ANO9: variants seen among roughly 807,000 people sequenced by gnomAD.
The protein encoded by ANO9 is anoctamin 9.
Under a neutral mutation model 100.5 loss-of-function variants are expected in ANO9, and 80 were observed. The ratio of observed to expected loss-of-function variants is 0.80; its 90% confidence interval spans 0.66 to 0.96. The LOEUF (loss-of-function observed/expected upper bound fraction) is 0.96. Ranked by LOEUF, ANO9 falls within the 40% of genes least tolerant of loss-of-function variation. ANO9 has a pLI of 0.00. For missense variants in ANO9, 1,064 were observed against 1,072.7 expected (o/e 0.99, Z 0.11); for synonymous variants, 473 against 435.6 (o/e 1.09, Z -1.07).
chr11:418,619 G>C, intron 22 of ANO9, 30 bp from the exon 23 acceptor site: 2 of 1,611,620 alleles, frequency 1.2e-6, no homozygotes, highest in Non-Finnish European at 1.7e-6. Flanking sequence ...GGCCCAGCAC[G>C]GTCAGGTGCC....
chr11:423,831 A>T (rs1450858357), intron 15 of ANO9, among the ~76,000 whole-genome samples: 1 of 150,558 alleles, frequency 6.6e-6, no homozygotes, highest in African/African-American at 2.5e-5. Context: ...GCACTCAGCC[A>T]AATGTTTAAT....
chr11:439,514 GA>G (rs1564940657), intron 1 of ANO9, among the ~76,000 whole-genome samples: 5 of 85,230 alleles, frequency 5.9e-5, no homozygotes, highest in African/African-American at 1.8e-4. Flanking sequence ...AGCTGTGCAT[GA>G]GAAGGAGCAG....
chr11:437,400 G>C (rs983450214), intron 1 of ANO9, among the ~76,000 whole-genome samples: 5 of 151,786 alleles, frequency 3.3e-5, no homozygotes, highest in Non-Finnish European at 7.4e-5. Flanking sequence ...CAGCCTCCCT[G>C]CGGGGGGAAG....
At chr11:438,481 G>A (rs1422199653) in intron 1 of ANO9, among the ~76,000 whole-genome samples, 2 of 145,998 alleles carry the variant, frequency 1.4e-5, no homozygotes, top group African/African-American at 2.6e-5. Flanking sequence ...CCAGGCAGGT[G>A]TAGCCCCCCC....
intron 15 of ANO9, among the ~76,000 whole-genome samples, chr11:424,921 G>A (rs1216391701): frequency 1.3e-5 from 2 of 152,044 alleles, no homozygotes; most frequent in Non-Finnish European, 2.9e-5. Context: ...GTTACAAGGA[G>A]GAGACATGGA....
rs1426118804 is a variant in ANO9 at position 429,833 on chromosome 11, G to A, written c.772-15C>T. 6.3e-7 allele frequency: 1 copy of A among 1,589,670 alleles called. No individual in the cohort carries two copies. Among genetic ancestry groups the A allele is most frequent in the Non-Finnish European group, 8.6e-7 (1 of 1,166,030 alleles). ...AGGTGGGTGAGCTGGGGGGGTGATA[G>A]GTGGGCCGGAGAGGAGGTGGGTGAG... On this transcript the variant is annotated splice_polypyrimidine_tract_variant and intron_variant, in intron 9 of 22. Coordinates refer to ENST00000332826, the MANE Select transcript of ANO9 (RefSeq NM_001012302.3).
At chr11:420,210 T>A in intron 19 of ANO9, 1 of 1,406,568 alleles carries the variant, frequency 7.1e-7, no homozygotes, top group Non-Finnish European at 9.2e-7. Flanking sequence ...TGGGTCCCCC[T>A]TGGGGGCGTC....
chr11:426,582 A>G (rs907180374), intron 15 of ANO9, among the ~76,000 whole-genome samples: 1 of 152,116 alleles, frequency 6.6e-6, no homozygotes, highest in African/African-American at 2.4e-5. Flanking sequence ...CTAAAAGTAA[A>G]TAAATAAAAA....
Position 420,820 on chromosome 11 carries a change from A to ACTCGGAGGCCCGCAGAGAG in ANO9, c.1512_1530dup (p.Ser511LeufsTer118). 6.3e-7 allele frequency: 1 copy of ACTCGGAGGCCCGCAGAGAG among 1,592,374 alleles called. No individual in the cohort carries two copies. Among genetic ancestry groups the ACTCGGAGGCCCGCAGAGAG allele is most frequent in the Admixed American group, 1.7e-5 (1 of 58,354 alleles). ...TCGGGGTCCCGGGGCAGGTGCCCGG[A>ACTCGGAGGCCCGCAGAGAG]CTCGGAGGCCCGCAGAGAGCGGCAC... is the stretch of plus-strand genomic sequence containing the variant. On this transcript the variant is annotated frameshift_variant, in exon 18 of 23. Coordinates refer to ENST00000332826, the MANE Select transcript of ANO9 (RefSeq NM_001012302.3). LOFTEE classifies it high-confidence loss of function.
rs1305996321 is a variant in ANO9, at chr11:418,719, C to A, written c.2130+1G>T. ...CGAGGCCTCTCCCGGTTCTGGCTCA[C>A]CTCAAAGAGGATGACGAAGGCCAGG... On this transcript the variant is annotated splice_donor_variant, in intron 22 of 22. Coordinates refer to ENST00000332826, the MANE Select transcript of ANO9 (RefSeq NM_001012302.3). LOFTEE classifies it high-confidence loss of function. 6.2e-7 allele frequency: 1 copy of A among 1,612,898 alleles called. No individual in the cohort carries two copies. Among genetic ancestry groups the A allele is most frequent in the Non-Finnish European group, 8.5e-7 (1 of 1,180,002 alleles).
At chr11:430,447 G>A (rs764190607) in intron 7 of ANO9, 44 bp from the exon 8 acceptor site, 4 of 1,336,220 alleles carry the variant, frequency 3.0e-6, no homozygotes, top group Non-Finnish European at 4.0e-6. Context: ...GGGGCGGTGG[G>A]GGAGGGACAG....
In ANO9 at chr11:421,383, CA is replaced by C; in HGVS notation, c.1335-186del. 1.8e-6 allele frequency: 1 copy of C among 540,636 alleles called. No homozygotes were observed. The highest frequency in any genetic ancestry group is 3.2e-6 in the Non-Finnish European group (1 of 315,670). The allele number at this position is 540,636 out of a possible 1,614,324, so 33.5% of individuals were successfully genotyped here. On this transcript the variant is annotated intron_variant, in intron 15 of 22. Transcript: ENST00000332826. The surrounding 1 kb of genome is among the most constrained non-coding windows in gnomAD (Gnocchi z 6.8). ...GCACGTGGGCACGCACACACACACA[CA>C]CACACACAGGGGAGGCCACAGGCTC...
intron 8 of ANO9, 25 bp downstream of exon 8, chr11:430,244 A>G (rs945880990): frequency 9.7e-6 from 15 of 1,553,474 alleles, no homozygotes; most frequent in Non-Finnish European, 1.2e-5. Context: ...CCGGCCCCCC[A>G]TGCCCGGCCC....
chr11:439,014 G>A (rs1845618446), intron 1 of ANO9, among the ~76,000 whole-genome samples: 1 of 152,166 alleles, frequency 6.6e-6, no homozygotes, highest in African/African-American at 2.4e-5. Context: ...TGGACAGCCG[G>A]CCAGGCCCTA....
At chr11:441,646 G>A (rs895158968) in intron 1 of ANO9, among the ~76,000 whole-genome samples, 18 of 152,288 alleles carry the variant, frequency 1.2e-4, no homozygotes, top group Non-Finnish European at 2.1e-4. Flanking sequence ...CACACTAGCT[G>A]AGAGCCCAGC....
rs1289156271 is a variant in ANO9 at position 421,745 on chromosome 11, A to C, written c.1335-547T>G. Among the ~76,000 whole-genome samples the C allele has an allele frequency of 6.6e-6, 1 of 152,222 alleles. No homozygotes were observed. The highest frequency in any genetic ancestry group is 2.4e-5 in the African/African-American group (1 of 41,444). ...CTCGGTTTCTCCCCGTGGAAACGGC[A>C]CGATGGGTTATTTTGTGTTTAAAAT... On this transcript the variant is annotated intron_variant, in intron 15 of 22. Coordinates refer to ENST00000332826, the MANE Select transcript of ANO9 (RefSeq NM_001012302.3). This position sits in a 1 kb window ranked among gnomAD's most constrained non-coding sequence, Gnocchi z 6.8.
intron 1 of ANO9, among the ~76,000 whole-genome samples, chr11:440,054 G>A (rs556058401): frequency 1.8e-4 from 27 of 152,266 alleles, no homozygotes; most frequent in African/African-American, 5.8e-4. Flanking sequence ...CAGCATTCCC[G>A]GGAGAAAGAA....
At chr11:429,859 C>A in intron 9 of ANO9, 41 bp from the exon 10 acceptor site, 1 of 1,280,922 alleles carries the variant, frequency 7.8e-7, no homozygotes, top group Non-Finnish European at 1.0e-6. Flanking sequence ...GGTGGGTGAG[C>A]TGGGGAGGGG....
intron 15 of ANO9, among the ~76,000 whole-genome samples, chr11:427,389 C>T (rs1054901155): frequency 7.9e-5 from 12 of 152,226 alleles, no homozygotes; most frequent in African/African-American, 2.4e-4. Context: ...CCTCTCACCT[C>T]GCCTTCCTAA....
Sources: gnomAD v4.1 joint callset for allele counts (sites outside exome capture counted in the v4.1 genomes callset) on GRCh38, gnomAD v4.1.1 for gene constraint, Gnocchi (gnomAD v3.1) non-coding constraint, MANE v1.5 for transcripts, NCBI Gene and HGNC (gene_info 2026-07-23, HGNC 2026-07-21) for gene names.